Variants in EPHA6 observed in about 807,000 individuals in gnomAD.
The protein encoded by EPHA6 is EPH receptor A6.
EPHA6 carries 50 observed loss-of-function variants against 112.0 expected under a neutral mutation model. The observed-to-expected ratio is 0.45, with a 90% CI of 0.36 to 0.56. The LOEUF is 0.56. EPHA6 is among the 20% of genes least tolerant of loss of function. The pLI is 0.00. For missense variants in EPHA6, 1,280 were observed against 1,417.4 expected, an observed-to-expected ratio of 0.90 and a Z score of 1.56; for synonymous variants, 529 against 490.7, an observed-to-expected ratio of 1.08 and a Z score of -1.03.
intron 3 of EPHA6, among the ~76,000 whole-genome samples, chr3:97,103,351 T>G (rs2047464331): frequency 6.6e-6 from 1 of 152,162 alleles, no homozygotes; most frequent in Non-Finnish European, 1.5e-5. Flanking sequence ...GTTGCAATCT[T>G]ATGCCTATGG....
intron 14 of EPHA6, among the ~76,000 whole-genome samples, chr3:97,708,223 A>C (rs2033784584): frequency 6.6e-6 from 1 of 152,224 alleles, no homozygotes; most frequent in Non-Finnish European, 1.5e-5. Flanking sequence ...ATGATATCCA[A>C]GCTTAGGTGG....
chr3:97,145,538 A>T (rs1181892086), intron 3 of EPHA6, among the ~76,000 whole-genome samples: 1 of 119,340 alleles, frequency 8.4e-6, no homozygotes. Flanking sequence ...GACAACAGTT[A>T]AAAAAAAAAA....
chr3:97,194,594 A>G (rs2077392317), intron 3 of EPHA6, among the ~76,000 whole-genome samples: 1 of 150,700 alleles, frequency 6.6e-6, no homozygotes, highest in East Asian at 2.0e-4. Context: ...TTAATTCAGC[A>G]GTGTAGATTG....
chr3:97,187,690 AAAG>A (rs1387856747), intron 3 of EPHA6, among the ~76,000 whole-genome samples: 2 of 62,970 alleles, frequency 3.2e-5, no homozygotes, highest in East Asian at 3.2e-4. Context: ...AGAAAGAAGG[AAAG>A]AAAGAAAGAA....
At chr3:96,946,973 C>G (rs1173230086) in intron 2 of EPHA6, among the ~76,000 whole-genome samples, 1 of 150,446 alleles carries the variant, frequency 6.6e-6, no homozygotes, top group Non-Finnish European at 1.5e-5. Flanking sequence ...TAAATGTCTT[C>G]TTTTGAGAAG....
At chr3:97,048,296 G>A (rs2045577737) in intron 3 of EPHA6, among the ~76,000 whole-genome samples, 1 of 152,152 alleles carries the variant, frequency 6.6e-6, no homozygotes, top group Non-Finnish European at 1.5e-5. Context: ...TGGAAGGGTA[G>A]GGTTTAGTAA....
At chr3:97,411,916 A>G (rs2087743445) in intron 6 of EPHA6, among the ~76,000 whole-genome samples, 1 of 151,996 alleles carries the variant, frequency 6.6e-6, no homozygotes, top group African/African-American at 2.4e-5. Context: ...TGTTCAGATT[A>G]TTTTTTATAT....
chr3:97,500,461 G>A (rs567811505), intron 10 of EPHA6, among the ~76,000 whole-genome samples: 52 of 152,076 alleles, frequency 3.4e-4, no homozygotes, highest in African/African-American at 1.2e-3. Flanking sequence ...GAGAGTGGAG[G>A]GGCAGGTGCT....
chr3:97,375,606 T>C (rs1223782370), intron 5 of EPHA6, among the ~76,000 whole-genome samples: 1 of 152,160 alleles, frequency 6.6e-6, no homozygotes, highest in East Asian at 1.9e-4. Context: ...TGCATATCCT[T>C]GGCAATATAG....
chr3:96,940,838 T>G (rs1338989828), intron 2 of EPHA6, among the ~76,000 whole-genome samples: 1 of 152,186 alleles, frequency 6.6e-6, no homozygotes. Flanking sequence ...TAAAGGATTT[T>G]ATTTCTCCTC....
chr3:97,263,732 G>A lies in EPHA6; in HGVS notation c.1606+19445G>A, dbSNP rs931538628. ...CCATCTTTTGTTATAATTGTAATAT[G>A]CAAAGTTAAAAGAAGAAAAATGATA... is the stretch of plus-strand genomic sequence containing the variant. On this transcript the variant is annotated intron_variant, in intron 5 of 17. Coordinates refer to ENST00000389672, the MANE Select transcript of EPHA6 (RefSeq NM_001080448.3). Among the ~76,000 whole-genome samples, 10 of 152,150 alleles carry A rather than the reference G, an allele frequency of 6.6e-5. 1 individual carries two copies. The South Asian group carries it at 2.1e-3, about 32-fold the overall frequency.
chr3:97,303,250 T>G (rs865828799), intron 5 of EPHA6, among the ~76,000 whole-genome samples: 40 of 151,984 alleles, frequency 2.6e-4, no homozygotes, highest in Middle Eastern at 6.8e-3. Context: ...CAAACATTAT[T>G]TAAAATATGA....
At chr3:96,992,360 G>C (rs573153552) in intron 3 of EPHA6, among the ~76,000 whole-genome samples, 2 of 151,954 alleles carry the variant, frequency 1.3e-5, no homozygotes, top group African/African-American at 2.4e-5. Flanking sequence ...TTTTTGTTAC[G>C]GCAACACCCA....
intron 14 of EPHA6, among the ~76,000 whole-genome samples, chr3:97,641,427 T>TG (rs1412028449): frequency 2.0e-5 from 3 of 151,788 alleles, no homozygotes; most frequent in East Asian, 1.9e-4. Flanking sequence ...ATGAAAAGGG[T>TG]GGGGGAGGAG....
rs35126699 is a variant in EPHA6 at position 97,614,501 on chromosome 3, ATTTT to A, written c.2574+3669_2574+3672del. ...AGGTGTGCACCACCACACCCAGCTA[ATTTT>A]TTTTTTTTTTTTTTTTTTTTTGTAT... On this transcript the variant is annotated intron_variant, in intron 13 of 17. Transcript: ENST00000389672. Among the ~76,000 whole-genome samples, 10 of 98,240 alleles carry A rather than the reference ATTTT, an allele frequency of 1.0e-4. No individual in the cohort carries two copies. The East Asian group carries it at 1.4e-3, about 13-fold the overall frequency. 64.4% of individuals were successfully genotyped at this position (98,240 alleles called of 152,430 possible).
At position 97,532,872 on chromosome 3, in the gene EPHA6, G is replaced by A. The variant is rs572625306; in HGVS notation, c.2386+329G>A. On this transcript the variant is annotated intron_variant, in intron 11 of 17. Coordinates refer to ENST00000389672, the MANE Select transcript of EPHA6 (RefSeq NM_001080448.3). ...CAGAACAAACACTTTCAGTGTTTTG[G>A]GTCATTAAGGTAAAATATTTCTGTT... 1.8e-3 allele frequency among the ~76,000 whole-genome samples: 268 copies of A among 151,818 alleles called. 1 individual carries two copies. The highest frequency in any genetic ancestry group is 6.1e-3 in the African/African-American group (252 of 41,452).
chr3:97,456,141 A>G (rs2107356289), intron 7 of EPHA6, among the ~76,000 whole-genome samples: 1 of 152,228 alleles, frequency 6.6e-6, no homozygotes, highest in East Asian at 1.9e-4. Context: ...CTTATTTTTA[A>G]GGCAATAACA....
chr3:97,641,013 T>A (rs2093998923), intron 14 of EPHA6, among the ~76,000 whole-genome samples: 1 of 152,162 alleles, frequency 6.6e-6, no homozygotes, highest in South Asian at 2.1e-4. Flanking sequence ...TGGATATTAA[T>A]TGTAAGGAAG....
At chr3:97,544,352 T>C (rs895067702) in intron 11 of EPHA6, among the ~76,000 whole-genome samples, 2 of 152,180 alleles carry the variant, frequency 1.3e-5, no homozygotes, top group Non-Finnish European at 2.9e-5. Flanking sequence ...GAGATAATCA[T>C]GTGGTTTTTG....
Sources: gnomAD v4.1 joint callset for allele counts (sites outside exome capture counted in the v4.1 genomes callset) on GRCh38, gnomAD v4.1.1 for gene constraint, MANE v1.5 for transcripts, NCBI Gene and HGNC (gene_info 2026-07-23, HGNC 2026-07-21) for gene names.